Variants in PREX1 observed in about 807,000 individuals in gnomAD.
PREX1 encodes phosphatidylinositol 3,4,5-trisphosphate-dependent Rac exchanger 1 protein.
PREX1 carries 41 observed loss-of-function variants against 198.3 expected under a neutral mutation model. The observed-to-expected ratio is 0.21, with a 90% CI of 0.16 to 0.27. The LOEUF is 0.27. Ranked by LOEUF, PREX1 falls within the 10% of genes least tolerant of loss-of-function variation. The probability of loss-of-function intolerance (pLI) is 1.00; values close to 1 mark genes in which losing one functional copy is unlikely to be tolerated. For missense variants in PREX1, 1,620 were observed against 2,200.7 expected (o/e 0.74, Z 5.28); for synonymous variants, 843 against 887.2 (o/e 0.95, Z 0.89).
the PREX1 span, among the ~76,000 whole-genome samples, chr20:48,840,249 A>G: frequency 2.0e-5 from 3 of 151,748 alleles, no homozygotes; most frequent in African/African-American, 7.3e-5. Flanking sequence ...TCCTGGGCTC[A>G]GGTGATCCTC....
Position 48,666,218 on chromosome 20 carries a change from T to G in PREX1, c.1738+65A>C, listed in dbSNP as rs1331001099. On this transcript the variant is annotated intron_variant, in intron 15 of 39. Transcript: ENST00000371941. This position sits in a 1 kb window ranked among gnomAD's most constrained non-coding sequence, Gnocchi z 4.3. ...AGACCTGGCTTCAGTCCTCCCATACTCCCCCAAACCATCAGCTCCAGGGAG... is the reference window on the plus strand; with the variant it reads ...AGACCTGGCTTCAGTCCTCCCATACGCCCCCAAACCATCAGCTCCAGGGAG... 2.2e-5 allele frequency: 33 copies of G among 1,472,490 alleles called. No individual in the cohort carries two copies. The highest frequency in any genetic ancestry group is 2.8e-5 in the Non-Finnish European group (30 of 1,084,452). 91.2% of individuals were successfully genotyped at this position (1,472,490 alleles called of 1,614,324 possible).
At chr20:48,631,380 T>C (rs1270397200) in intron 35 of PREX1, among the ~76,000 whole-genome samples, 1 of 152,180 alleles carries the variant, frequency 6.6e-6, no homozygotes, top group Non-Finnish European at 1.5e-5. Context: ...CTCTAGAATA[T>C]ATGCTCCATG....
intron 3 of PREX1, among the ~76,000 whole-genome samples, chr20:48,734,918 A>C (rs2090050401): frequency 6.6e-6 from 1 of 152,164 alleles, no homozygotes; most frequent in African/African-American, 2.4e-5. Context: ...CAAGAAGAGC[A>C]GCCTGGGCTT....
At chr20:48,626,200 G>A (rs1162102394) in intron 39 of PREX1, among the ~76,000 whole-genome samples, 8 of 152,200 alleles carry the variant, frequency 5.3e-5, no homozygotes, top group South Asian at 2.1e-4. Flanking sequence ...TGGGGGTGGG[G>A]TGCACATTCC....
chr20:48,814,991 A>G (rs1290815785), intron 1 of PREX1, among the ~76,000 whole-genome samples: 2 of 152,230 alleles, frequency 1.3e-5, no homozygotes, highest in Non-Finnish European at 2.9e-5. Context: ...ACATGGCTAT[A>G]GCAATATCAG....
intron 6 of PREX1, among the ~76,000 whole-genome samples, chr20:48,706,875 C>T (rs2123083431): frequency 6.6e-6 from 1 of 152,312 alleles, no homozygotes; most frequent in Admixed American, 6.5e-5. Flanking sequence ...CCCCAGGAAA[C>T]CAGCCACAAT....
Position 48,660,108 on chromosome 20 carries a change from G to A in PREX1, c.1739-47C>T, listed in dbSNP as rs970380280. On this transcript the variant is annotated intron_variant, in intron 15 of 39. Transcript: ENST00000371941. ...CTCAGTGGTCAGATTCACAGGGAAA[G>A]TTTCAGCCATGTTTGCCAACTGGCA... is the stretch of plus-strand genomic sequence containing the variant. The A allele has an allele frequency of 5.0e-6, 8 of 1,604,188 alleles. No homozygotes were observed. In the African/African-American group the frequency reaches 1.1e-4, roughly 21 times the overall value.
At chr20:48,763,777 C>T (rs2090195386) in intron 1 of PREX1, among the ~76,000 whole-genome samples, 1 of 152,172 alleles carries the variant, frequency 6.6e-6, no homozygotes, top group African/African-American at 2.4e-5. Flanking sequence ...CCAGAGCCTG[C>T]TCGGCCCCAG....
intron 6 of PREX1, among the ~76,000 whole-genome samples, chr20:48,705,145 G>T (rs368830644): frequency 6.6e-6 from 1 of 152,242 alleles, no homozygotes; most frequent in Admixed American, 6.5e-5. Context: ...GACCCATGAC[G>T]GGGGTACTCC....
intron 30 of PREX1, among the ~76,000 whole-genome samples, chr20:48,638,409 C>A (rs66487963): frequency 6.6e-6 from 1 of 152,194 alleles, no homozygotes; most frequent in Admixed American, 6.5e-5. Flanking sequence ...GCCCTACACA[C>A]GCCCTGTCCT....
At chr20:48,658,785 G>T (rs908455354) in intron 16 of PREX1, among the ~76,000 whole-genome samples, 4 of 152,154 alleles carry the variant, frequency 2.6e-5, no homozygotes, top group African/African-American at 9.7e-5. Context: ...GATAGGGCAC[G>T]GCAAGGGGGC....
intron 32 of PREX1, among the ~76,000 whole-genome samples, chr20:48,635,977 G>A (rs2089359716): frequency 6.6e-6 from 1 of 152,198 alleles, no homozygotes; most frequent in African/African-American, 2.4e-5. Context: ...AGCAGAGGGC[G>A]CTCCAAGGCC....
intron 27 of PREX1, 38 bp from the exon 28 acceptor site, chr20:48,642,527 T>C: frequency 6.5e-7 from 1 of 1,550,338 alleles, no homozygotes; most frequent in Non-Finnish European, 8.8e-7. Flanking sequence ...CAGTCATTCC[T>C]GCCCCACCTC....
rs567114375 is a variant in PREX1, at chr20:48,822,764, A to G, written c.219+4878T>C. ...TCTCCAACCTAATGTCACCTTATAC[A>G]TATAACACACGTGTATATTATGGTT... On this transcript the variant is annotated intron_variant, in intron 1 of 39. Transcript: ENST00000371941. Among the ~76,000 whole-genome samples, 3 of 152,346 alleles carry G rather than the reference A, an allele frequency of 2.0e-5. 1 individual carries two copies. Among genetic ancestry groups the G allele is most frequent in the African/African-American group, 7.2e-5 (3 of 41,576 alleles).
chr20:48,657,057 C>A lies in PREX1; in HGVS notation c.2106G>T (p.Val702=). 2 of 1,598,934 alleles carry A rather than the reference C, an allele frequency of 1.3e-6. No homozygotes were observed. Among genetic ancestry groups the A allele is most frequent in the Non-Finnish European group, 1.7e-6 (2 of 1,171,998 alleles). The change falls in exon 18 of 40, where the codon GTG becomes GTT. Residue 702 remains valine (V), a synonymous_variant. Coordinates refer to ENST00000371941, the MANE Select transcript of PREX1 (RefSeq NM_020820.4). The part of the protein sequence containing the change: ...FCSRRPLRLL[V]ATKAKEIIKI... Reference sequence around the variant, plus strand: ...ACACTCACTCTTTGGCCTTCGTGGCCACCAGGAGGCGCAGAGGGCGGCGGG... The same window carrying A: ...ACACTCACTCTTTGGCCTTCGTGGCAACCAGGAGGCGCAGAGGGCGGCGGG...
chr20:48,788,796 G>A (rs754164357), intron 1 of PREX1, among the ~76,000 whole-genome samples: 5 of 152,276 alleles, frequency 3.3e-5, no homozygotes, highest in Middle Eastern at 3.4e-3. Context: ...ATGCATTCAC[G>A]GATTAACGGG....
chr20:48,673,209 G>A (rs1381038438), intron 14 of PREX1, among the ~76,000 whole-genome samples: 1 of 152,138 alleles, frequency 6.6e-6, no homozygotes. Flanking sequence ...AAAGCCCCAT[G>A]GCATCTTGCG....
intron 32 of PREX1, among the ~76,000 whole-genome samples, chr20:48,635,086 A>G (rs1195537681): frequency 1.3e-5 from 2 of 152,214 alleles, no homozygotes; most frequent in Non-Finnish European, 2.9e-5. Flanking sequence ...ACACTCAAAT[A>G]AAAGTCCCCA....
At chr20:48,632,660 G>C (rs1456227201) in intron 33 of PREX1, 21 bp from the exon 34 acceptor site, 1 of 1,612,844 alleles carries the variant, frequency 6.2e-7, no homozygotes, top group Non-Finnish European at 8.5e-7. Flanking sequence ...ATATGGGGCA[G>C]GATGACTCAC....
Sources: allele counts gnomAD v4.1 joint callset (sites outside exome capture counted in the v4.1 genomes callset), GRCh38; gene constraint gnomAD v4.1.1; non-coding constraint Gnocchi (gnomAD v3.1); transcripts MANE v1.5; gene names NCBI Gene and HGNC (gene_info 2026-07-23, HGNC 2026-07-21).